LSAMP: variants seen among roughly 807,000 people sequenced by gnomAD.
The protein encoded by LSAMP is limbic system associated membrane protein.
LSAMP carries 7 observed loss-of-function variants against 38.6 expected under a neutral mutation model. The observed-to-expected ratio is 0.18, with a 90% CI of 0.10 to 0.34. The LOEUF is 0.34. Ranked by LOEUF, LSAMP falls within the 10% of genes least tolerant of loss-of-function variation. The pLI is 1.00. For missense variants in LSAMP, 313 were observed against 420.0 expected (o/e 0.75, Z 2.23); for synonymous variants, 154 against 166.8 (o/e 0.92, Z 0.59).
chr3:116,248,045 A>G (rs1017634497), intron 1 of LSAMP, among the ~76,000 whole-genome samples: 2 of 152,178 alleles, frequency 1.3e-5, no homozygotes, highest in Non-Finnish European at 2.9e-5. Context: ...TGCTGACACT[A>G]TTAATCATCT....
At chr3:115,907,079 T>G (rs571671384) in intron 3 of LSAMP, among the ~76,000 whole-genome samples, 1 of 152,186 alleles carries the variant, frequency 6.6e-6, no homozygotes, top group Admixed American at 6.6e-5. Flanking sequence ...AACCCTGGAC[T>G]GTTAAACAAC....
At chr3:116,282,616 G>A (rs2047141370) in intron 1 of LSAMP, among the ~76,000 whole-genome samples, 2 of 152,120 alleles carry the variant, frequency 1.3e-5, no homozygotes, top group Non-Finnish European at 2.9e-5. Flanking sequence ...TTTCTGACAT[G>A]TGGATTTTAA....
chr3:116,248,228 A>G (rs1453964472), intron 1 of LSAMP, among the ~76,000 whole-genome samples: 1 of 152,216 alleles, frequency 6.6e-6, no homozygotes, highest in Non-Finnish European at 1.5e-5. Flanking sequence ...TGGAGAAAGA[A>G]ATGGTTTCAG....
At chr3:116,121,143 T>C (rs1708865988) in intron 1 of LSAMP, among the ~76,000 whole-genome samples, 1 of 152,244 alleles carries the variant, frequency 6.6e-6, no homozygotes, top group African/African-American at 2.4e-5. Context: ...CTCACTGGCC[T>C]TTCTGCAGAA....
chr3:115,874,909 TA>T (rs576747449), intron 3 of LSAMP, among the ~76,000 whole-genome samples: 41 of 145,628 alleles, frequency 2.8e-4, no homozygotes, highest in Admixed American at 6.2e-4. Flanking sequence ...GAAGGTACTT[TA>T]AAAAAAAAAA....
At chr3:116,308,761 TAA>T (rs2047518340) in intron 1 of LSAMP, among the ~76,000 whole-genome samples, 1 of 152,098 alleles carries the variant, frequency 6.6e-6, no homozygotes, top group African/African-American at 2.4e-5. Flanking sequence ...CGACCTTGAA[TAA>T]ATCACTTTTG....
At chr3:116,191,936 T>G (rs528448664) in intron 1 of LSAMP, among the ~76,000 whole-genome samples, 1 of 152,236 alleles carries the variant, frequency 6.6e-6, no homozygotes, top group South Asian at 2.1e-4. Context: ...TGATCTCCAG[T>G]AAATTACTTA....
intron 1 of LSAMP, among the ~76,000 whole-genome samples, chr3:116,093,427 G>C (rs1708165247): frequency 6.6e-6 from 1 of 152,198 alleles, no homozygotes; most frequent in Admixed American, 6.5e-5. Flanking sequence ...AACATCTAAA[G>C]TGCAGTAGTG....
At chr3:116,296,893 G>A (rs1371300675) in intron 1 of LSAMP, among the ~76,000 whole-genome samples, 1 of 152,060 alleles carries the variant, frequency 6.6e-6, no homozygotes, top group Admixed American at 6.5e-5. Context: ...ACATAAACAA[G>A]AAGGCAGTCC....
chr3:116,426,038 T>C (rs1214463116), intron 1 of LSAMP, among the ~76,000 whole-genome samples: 3 of 152,050 alleles, frequency 2.0e-5, no homozygotes, highest in Non-Finnish European at 2.9e-5. Flanking sequence ...TTTTAGTTTA[T>C]TGAGCAAAAA....
chr3:116,218,798 C>T (rs2046250025), intron 1 of LSAMP, among the ~76,000 whole-genome samples: 1 of 152,158 alleles, frequency 6.6e-6, no homozygotes, highest in African/African-American at 2.4e-5. Context: ...AAGTTGCATA[C>T]CACCGTGCTG....
intron 1 of LSAMP, among the ~76,000 whole-genome samples, chr3:116,386,263 G>A (rs560817725): frequency 6.6e-5 from 10 of 152,078 alleles, no homozygotes; most frequent in African/African-American, 2.4e-4. Flanking sequence ...CTATATTCAG[G>A]TACAGAGCTA....
At chr3:116,036,126 T>C (rs1358247609) in intron 2 of LSAMP, among the ~76,000 whole-genome samples, 1 of 152,194 alleles carries the variant, frequency 6.6e-6, no homozygotes, top group Non-Finnish European at 1.5e-5. Flanking sequence ...CTAACATTAA[T>C]GACCAAAATG....
chr3:116,188,839 G>C lies in LSAMP; in HGVS notation c.156-102283C>G, dbSNP rs139271694. ...CTCACATATACTCAGCAGAAACTAC[G>C]ATAGAAAGATGAATGAGGAATGGGA... is the stretch of plus-strand genomic sequence containing the variant. On this transcript the variant is annotated intron_variant, in intron 1 of 6. Transcript: ENST00000490035. Among the ~76,000 whole-genome samples the C allele has an allele frequency of 5.3e-3, 806 of 152,264 alleles. 3 individuals carry two copies. The highest frequency in any genetic ancestry group is 7.0e-3 in the Non-Finnish European group (479 of 68,024).
At position 115,805,435 on chromosome 3, in the gene LSAMP, C is replaced by T. The variant is rs911736123; in HGVS notation, c.*4882G>A. On this transcript the variant is annotated 3_prime_UTR_variant, in exon 7 of 7. Coordinates refer to ENST00000490035, the MANE Select transcript of LSAMP (RefSeq NM_002338.5). ...ATAGTAAACCTTAGCAGTAGTTGGG[C>T]ACTGCATGAAAAATGAAGTTTACAT... 7.2e-5 allele frequency: 11 copies of T among 151,948 alleles called. No homozygotes were observed. Among genetic ancestry groups the T allele is most frequent in the Admixed American group, 6.6e-4 (10 of 15,256 alleles). 9.4% of individuals were successfully genotyped at this position (151,948 alleles called of 1,614,324 possible).
At chr3:116,259,802 A>G (rs1174416107) in intron 1 of LSAMP, among the ~76,000 whole-genome samples, 3 of 152,128 alleles carry the variant, frequency 2.0e-5, no homozygotes, top group Admixed American at 1.3e-4. Context: ...AAACAAAAAA[A>G]CAACAAAAGA....
chr3:115,832,876 A>C (rs1308572316), intron 6 of LSAMP, among the ~76,000 whole-genome samples: 1 of 152,158 alleles, frequency 6.6e-6, no homozygotes, highest in African/African-American at 2.4e-5. Flanking sequence ...GTTCAAGAAA[A>C]TCCCTCGTGT....
chr3:116,108,391 C>T (rs1708517732), intron 1 of LSAMP, among the ~76,000 whole-genome samples: 1 of 152,040 alleles, frequency 6.6e-6, no homozygotes, highest in Non-Finnish European at 1.5e-5. Context: ...GGTTTAGAAG[C>T]CTGGCCGTCA....
Position 115,968,608 on chromosome 3 carries a change from T to A in LSAMP, c.514+50907A>T, listed in dbSNP as rs76760697. Among the ~76,000 whole-genome samples the A allele has an allele frequency of 9.7e-3, 1,475 of 152,268 alleles. 18 individuals carry two copies. The highest frequency in any genetic ancestry group is 0.032 in the African/African-American group (1,331 of 41,550). ...CTCTTTACTCTTCCCTCTTCTCTCC[T>A]CAACAGAGGGAAGGAGTCTCTCCCA... On this transcript the variant is annotated intron_variant, in intron 3 of 6. Coordinates refer to ENST00000490035, the MANE Select transcript of LSAMP (RefSeq NM_002338.5).
Sources: allele counts gnomAD v4.1 joint callset (sites outside exome capture counted in the v4.1 genomes callset), GRCh38; gene constraint gnomAD v4.1.1; transcripts MANE v1.5; gene names NCBI Gene and HGNC (gene_info 2026-07-23, HGNC 2026-07-21).